Variants in AQR observed in about 807,000 individuals in gnomAD.
AQR encodes the protein aquarius intron-binding spliceosomal factor, also known as RNA helicase aquarius.
In AQR, 61 loss-of-function variants were observed where a neutral mutation model predicts 180.5. The observed-to-expected ratio is 0.34, with a 90% CI of 0.28 to 0.42. The LOEUF (loss-of-function observed/expected upper bound fraction) is 0.42, where lower values mean the gene tolerates loss of function less well. Ranked by LOEUF, AQR falls within the 10% of genes least tolerant of loss-of-function variation. The pLI is 1.00. For synonymous variants in AQR, 551 were observed against 588.8 expected, an observed-to-expected ratio of 0.94 and a Z score of 0.93; for missense variants, 1,281 against 1,798.3, an observed-to-expected ratio of 0.71 and a Z score of 5.20.
intron 16 of AQR, among the ~76,000 whole-genome samples, chr15:34,912,471 G>A (rs1416085957): frequency 2.0e-5 from 3 of 151,632 alleles, no homozygotes; most frequent in Non-Finnish European, 1.5e-5. Context: ...CATTTCAATT[G>A]TTAATATTTT....
intron 9 of AQR, among the ~76,000 whole-genome samples, 154 bp downstream of exon 9, chr15:34,938,583 C>T (rs1048567205): frequency 6.6e-6 from 1 of 152,092 alleles, no homozygotes; most frequent in African/African-American, 2.4e-5. Context: ...TCCCAATACT[C>T]ACACTGGTAA....
chr15:34,883,421 T>C (rs1057085344), intron 26 of AQR, among the ~76,000 whole-genome samples: 3 of 152,232 alleles, frequency 2.0e-5, no homozygotes, highest in African/African-American at 7.2e-5. Context: ...TATAACCTTC[T>C]GCCTACTCCC....
At chr15:34,920,952 C>T (rs567458992) in intron 13 of AQR, among the ~76,000 whole-genome samples, 1 of 152,028 alleles carries the variant, frequency 6.6e-6, no homozygotes, top group Admixed American at 6.5e-5. Context: ...AGCGAGACTC[C>T]GTCTCAAAAA....
intron 4 of AQR, among the ~76,000 whole-genome samples, chr15:34,949,393 G>A (rs886699481): frequency 6.6e-6 from 1 of 151,496 alleles, no homozygotes; most frequent in African/African-American, 2.4e-5. Flanking sequence ...GGCAGATCAT[G>A]AGGTCAAGAG....
chr15:34,900,583 C>T (rs1893316646), intron 20 of AQR, 39 bp downstream of exon 20: 1 of 1,590,852 alleles, frequency 6.3e-7, no homozygotes, highest in African/African-American at 1.3e-5. Flanking sequence ...ACATTGACTA[C>T]AGAATGCTGG....
At chr15:34,957,854 T>C (rs952058964) in intron 3 of AQR, among the ~76,000 whole-genome samples, 1 of 150,752 alleles carries the variant, frequency 6.6e-6, no homozygotes, top group East Asian at 2.0e-4. Flanking sequence ...AAAACGACTG[T>C]TAAAAGTGCC....
intron 32 of AQR, 145 bp downstream of exon 32, chr15:34,867,379 G>C (rs907108933): frequency 1.5e-6 from 1 of 647,912 alleles, no homozygotes; most frequent in Non-Finnish European, 2.7e-6. Flanking sequence ...GGAATTTGAT[G>C]TTACATTCCA....
intron 9 of AQR, among the ~76,000 whole-genome samples, chr15:34,937,789 CAGG>C (rs1294917479): frequency 6.6e-6 from 1 of 151,976 alleles, no homozygotes; most frequent in Non-Finnish European, 1.5e-5. Flanking sequence ...GAGGCTGAGG[CAGG>C]AGAATTGCTT....
chr15:34,873,787 C>A (rs777899236), intron 30 of AQR, 41 bp downstream of exon 30: 12 of 1,482,200 alleles, frequency 8.1e-6, no homozygotes, highest in Non-Finnish European at 1.1e-5. Context: ...TGTCAGCCAG[C>A]AAATGCAAAA....
chr15:34,866,583 AG>A (rs1043758652), intron 32 of AQR, among the ~76,000 whole-genome samples: 1 of 152,042 alleles, frequency 6.6e-6, no homozygotes, highest in Non-Finnish European at 1.5e-5. Flanking sequence ...TAGGGAGAGG[AG>A]GGGGGCGGAA....
chr15:34,896,613 C>G (rs1328286688), intron 22 of AQR, among the ~76,000 whole-genome samples: 1 of 151,358 alleles, frequency 6.6e-6, no homozygotes, highest in African/African-American at 2.4e-5. Flanking sequence ...ATTGGGAGGC[C>G]GAGGCAGGTG....
chr15:34,922,105 C>A (rs903665242), intron 13 of AQR, among the ~76,000 whole-genome samples: 1 of 152,200 alleles, frequency 6.6e-6, no homozygotes, highest in Non-Finnish European at 1.5e-5. Flanking sequence ...AGCCACCATG[C>A]CTGGTCTTAG....
chr15:34,858,525 C>T (rs1312317397), intron 34 of AQR, among the ~76,000 whole-genome samples: 1 of 152,020 alleles, frequency 6.6e-6, no homozygotes, highest in Non-Finnish European at 1.5e-5. Context: ...CTAAACAATC[C>T]TCCTCTTCAA....
intron 8 of AQR, among the ~76,000 whole-genome samples, chr15:34,940,582 T>C (rs1297560258): frequency 1.3e-5 from 2 of 151,892 alleles, no homozygotes; most frequent in African/African-American, 4.8e-5. Flanking sequence ...GAAGTTATAT[T>C]AATAGCCTGA....
chr15:34,890,419 C>T (rs539247906), intron 23 of AQR, 95 bp from the exon 24 acceptor site: 8 of 987,950 alleles, frequency 8.1e-6, no homozygotes, highest in Middle Eastern at 2.1e-4. Context: ...AGGAAATCAG[C>T]CTTATATTAG....
At chr15:34,957,496 C>T (rs572630004) in intron 3 of AQR, among the ~76,000 whole-genome samples, 101 of 150,616 alleles carry the variant, frequency 6.7e-4, no homozygotes, top group Admixed American at 1.5e-3. Flanking sequence ...CACCTGAGTT[C>T]GGGAGTGACA....
rs76314174 is a variant in AQR at position 34,906,532 on chromosome 15, T to C, written c.1831+13A>G. 2,787 of 1,613,184 alleles carry C rather than the reference T, an allele frequency of 1.7e-3. 40 individuals are homozygous for C. In the African/African-American group the frequency reaches 0.03, roughly 18 times the overall value. ...CTATACACATACTCTTTCAAAAATA[T>C]AGGTCACCATACCATCTTCAATGAC... On this transcript the variant is annotated intron_variant, in intron 18 of 34. Transcript: ENST00000156471.
intron 14 of AQR, among the ~76,000 whole-genome samples, chr15:34,919,406 G>A (rs1893649019): frequency 1.3e-5 from 2 of 152,038 alleles, no homozygotes. Flanking sequence ...ATCATAAATT[G>A]AATAGTAGAA....
intron 34 of AQR, 22 bp downstream of exon 34, chr15:34,860,020 A>G (rs368401112): frequency 4.6e-5 from 56 of 1,222,282 alleles, no homozygotes; most frequent in Admixed American, 3.6e-4. Flanking sequence ...AGAAAAATAA[A>G]AGTCGATTTT....
Sources: allele counts gnomAD v4.1 joint callset (sites outside exome capture counted in the v4.1 genomes callset), GRCh38; gene constraint gnomAD v4.1.1; transcripts MANE v1.5; gene names NCBI Gene and HGNC (gene_info 2026-07-23, HGNC 2026-07-21).